ATRNL1: variants seen among roughly 807,000 people sequenced by gnomAD.
ATRNL1 encodes the protein attractin-like protein 1.
In ATRNL1, 95 loss-of-function variants were observed where a neutral mutation model predicts 182.7. That is an observed-to-expected ratio of 0.52 (90% CI 0.44 to 0.62). The LOEUF is 0.62. ATRNL1 is among the 20% of genes least tolerant of loss of function. The pLI, the probability that ATRNL1 is intolerant of heterozygous loss-of-function variation, is 0.00. For synonymous variants in ATRNL1, 576 were observed against 568.3 expected (o/e 1.01, Z -0.19); for missense variants, 1,471 against 1,679.5 (o/e 0.88, Z 2.17).
At chr10:115,373,579 T>C (rs1338877324) in intron 19 of ATRNL1, among the ~76,000 whole-genome samples, 1 of 152,066 alleles carries the variant, frequency 6.6e-6, no homozygotes, top group Non-Finnish European at 1.5e-5. Context: ...AAGAATGTTG[T>C]ATTCTGTCAA....
In ATRNL1 at chr10:115,391,860, T is replaced by A. The variant is rs542820693; in HGVS notation, c.3176-2799T>A. 2.0e-5 allele frequency among the ~76,000 whole-genome samples: 3 copies of A among 152,260 alleles called. No homozygotes were observed. In the East Asian group the frequency reaches 5.8e-4, roughly 29 times the overall value. The stretch of plus-strand genomic sequence containing the variant: ...ATTTGTTTATTATTCATTTTTGACT[T>A]AATTGTATTGTCATCAGGACTCATT... On this transcript the variant is annotated intron_variant, in intron 19 of 28. Coordinates refer to ENST00000355044, the MANE Select transcript of ATRNL1 (RefSeq NM_207303.4).
chr10:115,883,810 T>C (rs924473112), intron 28 of ATRNL1, among the ~76,000 whole-genome samples: 2 of 152,210 alleles, frequency 1.3e-5, no homozygotes, highest in Non-Finnish European at 2.9e-5. Flanking sequence ...GCCTTCTGCC[T>C]GGGTAAGAAT....
At chr10:115,876,008 G>C (rs1951692182) in intron 28 of ATRNL1, among the ~76,000 whole-genome samples, 1 of 152,184 alleles carries the variant, frequency 6.6e-6, no homozygotes, top group Non-Finnish European at 1.5e-5. Flanking sequence ...ATCAAATACT[G>C]GGAATCTTGA....
chr10:115,701,417 C>T (rs1946732810), intron 26 of ATRNL1, among the ~76,000 whole-genome samples: 1 of 151,740 alleles, frequency 6.6e-6, no homozygotes, highest in African/African-American at 2.4e-5. Flanking sequence ...AAAAACTAAC[C>T]CCAATGCTAA....
chr10:115,801,526 G>T (rs2907577), intron 27 of ATRNL1, among the ~76,000 whole-genome samples: 1 of 152,042 alleles, frequency 6.6e-6, no homozygotes, highest in Non-Finnish European at 1.5e-5. Flanking sequence ...TTGAAATGCA[G>T]ATTATGTGGT....
rs147641671 is a variant in ATRNL1, at chr10:115,690,525, C to T, written c.3796-36723C>T. Among the ~76,000 whole-genome samples the T allele has an allele frequency of 1.1e-4, 16 of 152,248 alleles. No individual in the cohort carries two copies. The East Asian group carries it at 1.2e-3, about 11-fold the overall frequency. Reference sequence around the variant, plus strand: ...GTGTGGCCTGGTTTCTAACAAGCCACGGTCAGGTACCAGTCTGTGGCCCAG... The same window carrying T: ...GTGTGGCCTGGTTTCTAACAAGCCATGGTCAGGTACCAGTCTGTGGCCCAG... On this transcript the variant is annotated intron_variant, in intron 26 of 28. Coordinates refer to ENST00000355044, the MANE Select transcript of ATRNL1 (RefSeq NM_207303.4).
intron 28 of ATRNL1, among the ~76,000 whole-genome samples, chr10:115,919,463 C>G (rs1952978547): frequency 1.3e-5 from 2 of 152,016 alleles, no homozygotes; most frequent in African/African-American, 4.8e-5. Flanking sequence ...GGAAACTTCC[C>G]ACATGTCTAT....
chr10:115,731,279 C>G (rs1179713233), intron 27 of ATRNL1, among the ~76,000 whole-genome samples: 1 of 152,128 alleles, frequency 6.6e-6, no homozygotes, highest in Admixed American at 6.5e-5. Flanking sequence ...ACCAATCTAT[C>G]CAGGACAATG....
In ATRNL1 at chr10:115,281,462, AC is replaced by A; in HGVS notation, c.2209del (p.Gln737SerfsTer50). The A allele has an allele frequency of 6.2e-7, 1 of 1,613,408 alleles. No homozygotes were observed. Among genetic ancestry groups the A allele is most frequent in the Non-Finnish European group, 8.5e-7 (1 of 1,179,592 alleles). ...ACTTGAATTGCCAGTGGGATCAGAG[AC>A]AGCAAGAATGCCAGGCTTTACCAGG... The part of the protein sequence containing the change: ...LNLNCQWDQR[Q>X]QECQALPAHL... On this transcript the variant is annotated frameshift_variant, in exon 14 of 29. Coordinates refer to ENST00000355044, the MANE Select transcript of ATRNL1 (RefSeq NM_207303.4). LOFTEE classifies it high-confidence loss of function.
At position 115,415,746 on chromosome 10, in the gene ATRNL1, A is replaced by G. The variant is rs917879124; in HGVS notation, c.3270-10504A>G. On this transcript the variant is annotated intron_variant, in intron 20 of 28. Coordinates refer to ENST00000355044, the MANE Select transcript of ATRNL1 (RefSeq NM_207303.4). Reference sequence around the variant, plus strand: ...TTTAGAGTTTTATTTTGTTTATGGTATGAGGATTGGATCTGATTTGATAGT... The same window carrying G: ...TTTAGAGTTTTATTTTGTTTATGGTGTGAGGATTGGATCTGATTTGATAGT... 2.0e-5 allele frequency among the ~76,000 whole-genome samples: 3 copies of G among 151,708 alleles called. No homozygotes were observed. The East Asian group carries it at 5.8e-4, about 29-fold the overall frequency.
At chr10:115,888,531 G>A (rs781796263) in intron 28 of ATRNL1, among the ~76,000 whole-genome samples, 3 of 152,108 alleles carry the variant, frequency 2.0e-5, no homozygotes, top group Non-Finnish European at 4.4e-5. Flanking sequence ...AATAATACCT[G>A]TCTTTCAAGA....
chr10:115,323,436 TC>T (rs1854697226), intron 18 of ATRNL1, among the ~76,000 whole-genome samples: 1 of 26,714 alleles, frequency 3.7e-5, no homozygotes, highest in Non-Finnish European at 8.5e-5. Flanking sequence ...TCCCCTCCCC[TC>T]CCCTTCCCTT....
intron 25 of ATRNL1, among the ~76,000 whole-genome samples, chr10:115,521,102 A>T (rs1218596752): frequency 6.6e-6 from 1 of 152,142 alleles, no homozygotes; most frequent in Non-Finnish European, 1.5e-5. Flanking sequence ...TAGAAATTAC[A>T]GTTGAACAAG....
chr10:115,640,860 G>C (rs1555030068), intron 26 of ATRNL1, among the ~76,000 whole-genome samples: 1 of 151,918 alleles, frequency 6.6e-6, no homozygotes, highest in African/African-American at 2.4e-5. Flanking sequence ...CCTATGTCCT[G>C]AATGGTATTG....
rs1205853591 is a variant in ATRNL1 at position 115,246,807 on chromosome 10, G to C, written c.1687+5082G>C. On this transcript the variant is annotated intron_variant, in intron 10 of 28. Transcript: ENST00000355044. ...GATCTCCTGACCTCATGATCCACCC[G>C]CCTCGGCCTCCCAAAGTGCTGGGAT... Among the ~76,000 whole-genome samples the C allele has an allele frequency of 6.1e-5, 4 of 65,100 alleles. 1 individual carries two copies. Among genetic ancestry groups the C allele is most frequent in the Non-Finnish European group, 1.4e-4 (4 of 29,558 alleles). The allele number at this position is 65,100 out of a possible 152,430, so 42.7% of individuals were successfully genotyped here.
rs1847272248 is a variant in ATRNL1 at position 115,171,099 on chromosome 10, A to G, written c.1155A>G (p.Leu385=). Residue 385 remains leucine, a synonymous_variant, in exon 8 of 29, where the codon TTA becomes TTG. Coordinates refer to ENST00000355044, the MANE Select transcript of ATRNL1 (RefSeq NM_207303.4). ...ETNDGNVTDE[L]WVFNIHSQSW... Reference sequence around the variant, plus strand: ...ATGATGGCAATGTCACAGATGAATTATGGGTTTTTAACATACATAGTCAGT... The same window carrying G: ...ATGATGGCAATGTCACAGATGAATTGTGGGTTTTTAACATACATAGTCAGT... The G allele has an allele frequency of 1.3e-6, 2 of 1,596,924 alleles. No individual in the cohort carries two copies. The highest frequency in any genetic ancestry group is 1.7e-6 in the Non-Finnish European group (2 of 1,169,920).
chr10:115,891,288 G>T (rs1258805854), intron 28 of ATRNL1, among the ~76,000 whole-genome samples: 1 of 152,154 alleles, frequency 6.6e-6, no homozygotes, highest in Non-Finnish European at 1.5e-5. Context: ...AGAATGCAAA[G>T]AATAGTGTTC....
intron 26 of ATRNL1, among the ~76,000 whole-genome samples, chr10:115,687,558 G>A (rs2133964540): frequency 6.6e-6 from 1 of 152,054 alleles, no homozygotes; most frequent in Non-Finnish European, 1.5e-5. Context: ...TGTTAGTATT[G>A]TAAGCAATGC....
At chr10:115,677,066 A>G (rs1945886031) in intron 26 of ATRNL1, among the ~76,000 whole-genome samples, 1 of 152,116 alleles carries the variant, frequency 6.6e-6, no homozygotes, top group South Asian at 2.1e-4. Context: ...AGTACCCAGC[A>G]TAATGTCTTA....
Sources: gnomAD v4.1 joint callset for allele counts (sites outside exome capture counted in the v4.1 genomes callset) on GRCh38, gnomAD v4.1.1 for gene constraint, MANE v1.5 for transcripts, NCBI Gene and HGNC (gene_info 2026-07-23, HGNC 2026-07-21) for gene names.